ADORA2B: variants seen among roughly 807,000 people sequenced by gnomAD.
ADORA2B encodes adenosine receptor A2b.
Under a neutral mutation model 20.8 loss-of-function variants are expected in ADORA2B, and 18 were observed. The ratio of observed to expected loss-of-function variants is 0.87; its 90% CI spans 0.60 to 1.29. The LOEUF (loss-of-function observed/expected upper bound fraction) is 1.29. Among genes scored for constraint, ADORA2B ranks in the 50% most tolerant of loss-of-function variants. The probability of loss-of-function intolerance (pLI) is 0.00; values close to 1 mark genes in which losing one functional copy is unlikely to be tolerated. For missense variants in ADORA2B, 441 were observed against 422.7 expected (o/e 1.04, Z -0.38); for synonymous variants, 179 against 178.3 (o/e 1.00, Z -0.03).
the ADORA2B span, among the ~76,000 whole-genome samples, chr17:15,919,730 T>TGGGAA: frequency 1.8e-4 from 27 of 149,778 alleles, no homozygotes; most frequent in Middle Eastern, 3.4e-3. Flanking sequence ...GCCCAGTGGG[T>TGGGAA]GGGAAGGGAA....
rs115502239 is a variant in ADORA2B, at chr17:15,964,205, T to C, written c.336-10474T>C. On this transcript the variant is annotated intron_variant, in intron 1 of 1. Coordinates refer to ENST00000304222, the MANE Select transcript of ADORA2B (RefSeq NM_000676.4). The stretch of plus-strand genomic sequence containing the variant: ...AAGTAAAATCTAATAGTATCTACTT[T>C]TTTTATTGTTGTTTTTGTGTAAGAA... 3.1e-3 allele frequency among the ~76,000 whole-genome samples: 474 copies of C among 152,366 alleles called. 1 individual carries two copies. The highest frequency in any genetic ancestry group is 0.011 in the African/African-American group (445 of 41,592).
At chr17:15,925,747 A>T in the ADORA2B span, among the ~76,000 whole-genome samples, 1 of 152,188 alleles carries the variant, frequency 6.6e-6, no homozygotes, top group Non-Finnish European at 1.5e-5. Context: ...AGGCGGGTGG[A>T]TCACGAGGTC....
chr17:15,896,148 C>T, the ADORA2B span, among the ~76,000 whole-genome samples: 2 of 152,176 alleles, frequency 1.3e-5, no homozygotes, highest in African/African-American at 2.4e-5. Flanking sequence ...ATTATGTTCT[C>T]AGATACAGGA....
chr17:15,936,924 C>T, the ADORA2B span, among the ~76,000 whole-genome samples: 1 of 152,074 alleles, frequency 6.6e-6, no homozygotes, highest in East Asian at 1.9e-4. Flanking sequence ...CCACTGCACT[C>T]CAGCCTGGAC....
intron 1 of ADORA2B, among the ~76,000 whole-genome samples, chr17:15,963,904 C>T (rs1392663734): frequency 2.6e-5 from 4 of 152,226 alleles, no homozygotes; most frequent in African/African-American, 7.2e-5. Flanking sequence ...GGGCTCAGCT[C>T]AGGCCCAGCC....
At chr17:15,933,560 G>A in the ADORA2B span, among the ~76,000 whole-genome samples, 1 of 149,092 alleles carries the variant, frequency 6.7e-6, no homozygotes, top group South Asian at 2.1e-4. Context: ...TGATGCTAAT[G>A]TAAATGAAGT....
the ADORA2B span, among the ~76,000 whole-genome samples, chr17:15,901,075 G>C: frequency 6.6e-6 from 1 of 152,090 alleles, no homozygotes; most frequent in Non-Finnish European, 1.5e-5. Flanking sequence ...ACACAGACTG[G>C]GTGCTGCAGG....
At chr17:15,954,315 A>G (rs573832792) in intron 1 of ADORA2B, among the ~76,000 whole-genome samples, 1 of 152,136 alleles carries the variant, frequency 6.6e-6, no homozygotes, top group African/African-American at 2.4e-5. Flanking sequence ...TTACTCAGAC[A>G]TTACTCAAAA....
At chr17:15,936,907 G>C in the ADORA2B span, among the ~76,000 whole-genome samples, 1 of 152,200 alleles carries the variant, frequency 6.6e-6, no homozygotes, top group Admixed American at 6.5e-5. Context: ...AGTGAATCAT[G>C]ATTGTGCCAC....
At chr17:15,883,512 A>C in the ADORA2B span, among the ~76,000 whole-genome samples, 1 of 152,120 alleles carries the variant, frequency 6.6e-6, no homozygotes. Context: ...GAAACCCACA[A>C]CTCCTGAATT....
the ADORA2B span, among the ~76,000 whole-genome samples, chr17:15,883,942 C>T: frequency 2.0e-5 from 3 of 152,182 alleles, no homozygotes; most frequent in Non-Finnish European, 2.9e-5. Flanking sequence ...ACCATGTGAA[C>T]GACATTGTCT....
chr17:15,918,554 C>T, the ADORA2B span, among the ~76,000 whole-genome samples: 2 of 152,176 alleles, frequency 1.3e-5, no homozygotes, highest in African/African-American at 4.8e-5. Context: ...TCACTGCAAC[C>T]TCCGCCTTCC....
At chr17:15,891,743 G>A in the ADORA2B span, among the ~76,000 whole-genome samples, 27 of 151,678 alleles carry the variant, frequency 1.8e-4, no homozygotes, top group African/African-American at 6.0e-4. Context: ...GTGCAGTGGC[G>A]TGATCTCGGC....
At chr17:15,943,840 A>T (rs939975980), upstream of ADORA2B, among the ~76,000 whole-genome samples, 8 of 152,208 alleles carry the variant, frequency 5.3e-5, no homozygotes, top group African/African-American at 1.9e-4. Context: ...TTTTACAAGC[A>T]TCTTTTCCTG....
At chr17:15,940,122 T>C in the ADORA2B span, among the ~76,000 whole-genome samples, 1 of 152,222 alleles carries the variant, frequency 6.6e-6, no homozygotes. Flanking sequence ...GCAAACATTG[T>C]TCAAGAACCC....
chr17:15,926,458 G>A, the ADORA2B span, among the ~76,000 whole-genome samples: 3 of 152,070 alleles, frequency 2.0e-5, no homozygotes. Context: ...TACCTGAAAG[G>A]TATGCGGGGG....
the ADORA2B span, among the ~76,000 whole-genome samples, chr17:15,874,095 T>TATATATGTATACAC: frequency 2.1e-5 from 3 of 145,892 alleles, no homozygotes; most frequent in African/African-American, 8.0e-5. Flanking sequence ...TATATATGTA[T>TATATATGTATACAC]ACACACACAC....
the ADORA2B span, among the ~76,000 whole-genome samples, chr17:15,886,852 G>A: frequency 1.5e-5 from 2 of 129,640 alleles, no homozygotes; most frequent in Non-Finnish European, 3.3e-5. Context: ...AGAACCAGAG[G>A]CCCCTGCTGA....
chr17:15,943,466 A>G (rs558889830), upstream of ADORA2B, among the ~76,000 whole-genome samples: 10 of 152,244 alleles, frequency 6.6e-5, no homozygotes, highest in South Asian at 2.1e-3. Flanking sequence ...AGCTGGGACT[A>G]CAGGCACCTG....
Sources: gnomAD v4.1 joint callset for allele counts (sites outside exome capture counted in the v4.1 genomes callset) on GRCh38, gnomAD v4.1.1 for gene constraint, MANE v1.5 for transcripts, NCBI Gene and HGNC (gene_info 2026-07-23, HGNC 2026-07-21) for gene names.